MAST1: variants seen among roughly 807,000 people sequenced by gnomAD.
MAST1 encodes microtubule-associated serine/threonine-protein kinase 1.
MAST1 carries 40 observed loss-of-function variants against 124.6 expected under a neutral mutation model. That is an observed-to-expected ratio of 0.32 (90% CI 0.25 to 0.42). The LOEUF (loss-of-function observed/expected upper bound fraction) is 0.42. Among genes scored for constraint, MAST1 ranks in the 10% least tolerant of loss-of-function variants. The pLI is 1.00. For missense variants in MAST1, 1,558 were observed against 2,181.9 expected, an observed-to-expected ratio of 0.71 and a Z score of 5.70; for synonymous variants, 938 against 939.4, an observed-to-expected ratio of 1.00 and a Z score of 0.03.
chr19:12,854,459 C>T (rs148261966), intron 10 of MAST1, among the ~76,000 whole-genome samples: 55 of 152,280 alleles, frequency 3.6e-4, no homozygotes, highest in African/African-American at 1.3e-3. Flanking sequence ...ATCGTATGCT[C>T]TGTGGCCTCT....
Position 12,867,904 on chromosome 19 carries a change from A to G in MAST1, c.2493A>G (p.Gly831=). Residue 831 remains glycine, a synonymous_variant, in exon 20 of 26, where the codon GGA becomes GGG. Transcript: ENST00000251472. ...CCCGGCCCAGCTCCGACCCCGCGGG[A>G]TCCCTGGATGCACGGGCCCCCAAAG... ...RPPRPSSDPA[G]SLDARAPKEE... The G allele has an allele frequency of 6.2e-7, 1 of 1,603,552 alleles. No homozygotes were observed. Among genetic ancestry groups the G allele is most frequent in the African/African-American group, 1.4e-5 (1 of 73,892 alleles).
chr19:12,841,090 C>A lies in MAST1; in HGVS notation c.248+24C>A. ...AGGTGAGTCCCTCCCCTCCAGGGCC[C>A]CAGAACCCTGGGCAGACCCTCCCCA... On this transcript the variant is annotated intron_variant, in intron 3 of 25. Transcript: ENST00000251472. The surrounding 1 kb of genome is among the most constrained non-coding windows in gnomAD (Gnocchi z 4.3). The A allele has an allele frequency of 7.9e-7, 1 of 1,261,394 alleles. No homozygotes were observed. Among genetic ancestry groups the A allele is most frequent in the Non-Finnish European group, 1.2e-6 (1 of 859,658 alleles). The allele number at this position is 1,261,394 out of a possible 1,614,324, so 78.1% of individuals were successfully genotyped here.
intron 22 of MAST1, among the ~76,000 whole-genome samples, chr19:12,869,813 G>A (rs1026897653): frequency 3.3e-5 from 5 of 151,916 alleles, no homozygotes; most frequent in African/African-American, 1.2e-4. Flanking sequence ...AGCACTTTGG[G>A]AGGCTGAGGT....
intron 22 of MAST1, among the ~76,000 whole-genome samples, 198 bp from the exon 23 acceptor site, chr19:12,870,626 C>T (rs1448802491): frequency 1.4e-5 from 2 of 142,452 alleles, no homozygotes; most frequent in Non-Finnish European, 1.5e-5. Flanking sequence ...GATTGCGCCA[C>T]AGCACTCCAG....
rs775744031 is a variant in MAST1 at position 12,838,561 on chromosome 19, C to T, written c.-12C>T. On this transcript the variant is annotated 5_prime_UTR_variant, in exon 1 of 26. Transcript: ENST00000251472. The surrounding 1 kb of genome is among the most constrained non-coding windows in gnomAD (Gnocchi z 4.3). ...GCTGCCGCACCTGCCACCATGTCGC[C>T]GCCGCCGGGTCATGTCTGACTCTCT... The T allele has an allele frequency of 1.3e-6, 2 of 1,512,714 alleles. No individual in the cohort carries two copies. The highest frequency in any genetic ancestry group is 1.8e-6 in the Non-Finnish European group (2 of 1,127,452). The allele number at this position is 1,512,714 out of a possible 1,614,324, so 93.7% of individuals were successfully genotyped here. A position where few individuals can be genotyped will look rare whatever the true frequency, so the allele number is the denominator to read the frequency against.
chr19:12,850,952 CT>C (rs201211037), intron 7 of MAST1, among the ~76,000 whole-genome samples: 46,412 of 137,352 alleles, frequency 0.34, 7,465 homozygotes, highest in East Asian at 0.6. Context: ...TTTTTCTTTT[CT>C]TTTTTTTTTT....
At chr19:12,854,384 A>G (rs941182111) in intron 10 of MAST1, among the ~76,000 whole-genome samples, 1 of 152,094 alleles carries the variant, frequency 6.6e-6, no homozygotes, top group African/African-American at 2.4e-5. Flanking sequence ...TGGCCTCCCA[A>G]AGTGCTGCGA....
At chr19:12,849,521 G>A (rs540429909) in intron 7 of MAST1, among the ~76,000 whole-genome samples, 5 of 152,012 alleles carry the variant, frequency 3.3e-5, no homozygotes, top group South Asian at 4.2e-4. Context: ...AAAGTTAGCC[G>A]GGCTTGGTGG....
chr19:12,868,271 G>T (rs1970187497), intron 20 of MAST1, among the ~76,000 whole-genome samples: 2 of 151,426 alleles, frequency 1.3e-5, no homozygotes, highest in Admixed American at 1.3e-4. Flanking sequence ...ACTACCCCCG[G>T]CTAATTTTTG....
At chr19:12,868,073 T>C in intron 20 of MAST1, 96 bp downstream of exon 20, 1 of 1,272,554 alleles carries the variant, frequency 7.9e-7, no homozygotes, top group Non-Finnish European at 1.0e-6. Flanking sequence ...TTATGAAAGA[T>C]CTCAGGTCCT....
chr19:12,840,371 G>T, intron 1 of MAST1, 75 bp from the exon 2 acceptor site: 1 of 897,836 alleles, frequency 1.1e-6, no homozygotes. Context: ...TCTGAGACAG[G>T]AGGTCAGCTG....
rs1237268128 is a variant in MAST1, at chr19:12,874,082, G to A, written c.3925G>A (p.Glu1309Lys). The change falls in exon 26 of 26, where the codon GAG (glutamate) becomes AAG (lysine). Residue 1309 changes from glutamate (E) to lysine (K), a missense_variant. Physicochemically the swap from Glu to Lys is moderately conservative, Grantham distance 56 (BLOSUM62 1). This residue lies in a region of MAST1 where 263 missense variants were observed against 310.9 expected (regional missense o/e 0.85). Coordinates refer to ENST00000251472, the MANE Select transcript of MAST1 (RefSeq NM_014975.3). The surrounding 1 kb of genome is among the most constrained non-coding windows in gnomAD (Gnocchi z 6.6). ...CGAGCTGGCGCTGCATAGCCTTGCC[G>A]AGTCCGACGGTGAGACGCCCCCAGT... is the stretch of plus-strand genomic sequence containing the variant. The part of the protein sequence containing the change: ...HGELALHSLA[E>K]SDGETPPVEG... 1.3e-6 allele frequency: 2 copies of A among 1,576,622 alleles called. No individual in the cohort carries two copies. The highest frequency in any genetic ancestry group is 8.6e-7 in the Non-Finnish European group (1 of 1,164,598).
intron 12 of MAST1, among the ~76,000 whole-genome samples, chr19:12,861,030 A>G (rs1970075367): frequency 6.6e-6 from 1 of 151,994 alleles, no homozygotes; most frequent in Non-Finnish European, 1.5e-5. Flanking sequence ...TAGACAGACA[A>G]TAAACAAGCA....
rs1970118505 is a variant in MAST1, at chr19:12,864,001, T to C, written c.1367-808T>C. Among the ~76,000 whole-genome samples, 3 of 151,470 alleles carry C rather than the reference T, an allele frequency of 2.0e-5. No homozygotes were observed. In the Admixed American group the frequency reaches 2.0e-4, roughly 10 times the overall value. ...CTGCAGTGGTGCGATCTTGGATCTC[T>C]GCAACCTCTGCCTCCCAGGTTCAAG... On this transcript the variant is annotated intron_variant, in intron 12 of 25. Coordinates refer to ENST00000251472, the MANE Select transcript of MAST1 (RefSeq NM_014975.3).
intron 22 of MAST1, 65 bp downstream of exon 22, chr19:12,869,360 C>A (rs538780185): frequency 9.5e-6 from 13 of 1,364,940 alleles, no homozygotes; most frequent in Middle Eastern, 1.8e-4. Context: ...GCCCCTCCAG[C>A]TCAAACCAGT....
chr19:12,859,625 C>A (rs946295937), intron 12 of MAST1, among the ~76,000 whole-genome samples: 2 of 151,838 alleles, frequency 1.3e-5, no homozygotes, highest in African/African-American at 4.8e-5. Flanking sequence ...ATGGTGAAAC[C>A]CTGACTCTAC....
intron 2 of MAST1, 70 bp from the exon 3 acceptor site, chr19:12,840,921 A>T: frequency 1.3e-6 from 1 of 783,500 alleles, no homozygotes; most frequent in Non-Finnish European, 2.4e-6. Context: ...AAGACAGGAC[A>T]TGCTGCTGTT....
intron 7 of MAST1, 43 bp from the exon 8 acceptor site, chr19:12,851,891 C>T (rs374272333): frequency 6.7e-7 from 1 of 1,490,510 alleles, no homozygotes. Context: ...CGGGCTGAGG[C>T]AGAGTGCCTA....
At chr19:12,842,371 C>A (rs1025591904) in intron 3 of MAST1, among the ~76,000 whole-genome samples, 9 of 151,994 alleles carry the variant, frequency 5.9e-5, no homozygotes, top group Non-Finnish European at 1.3e-4. Context: ...CGGCTCACTG[C>A]AATTTCCGCC....
Sources: allele counts gnomAD v4.1 joint callset (sites outside exome capture counted in the v4.1 genomes callset), GRCh38; gene constraint gnomAD v4.1.1; regional missense constraint gnomAD v4.1.1; non-coding constraint Gnocchi (gnomAD v3.1); transcripts MANE v1.5; gene names NCBI Gene and HGNC (gene_info 2026-07-23, HGNC 2026-07-21).